The following ZNF500 variants were observed in gnomAD, a reference collection of about 807,000 sequenced individuals.
The protein encoded by ZNF500 is zinc finger protein with KRAB and SCAN domains 18.
A neutral mutation model predicts 30.1 loss-of-function variants in ZNF500; 31 were observed. The ratio of observed to expected loss-of-function variants is 1.03; its 90% CI spans 0.77 to 1.39. ZNF500 has a LOEUF of 1.39. Ranked by LOEUF, ZNF500 falls within the 40% of genes most tolerant of loss-of-function variation. The pLI, the probability that ZNF500 is intolerant of heterozygous loss-of-function variation, is 0.00. For missense variants in ZNF500, 817 were observed against 657.8 expected, an observed-to-expected ratio of 1.24 and a Z score of -2.65; for synonymous variants, 392 against 282.0, an observed-to-expected ratio of 1.39 and a Z score of -3.91.
intron 1 of ZNF500, among the ~76,000 whole-genome samples, chr16:4,766,517 A>G (rs2082266562): frequency 6.6e-6 from 1 of 152,156 alleles, no homozygotes; most frequent in African/African-American, 2.4e-5. Context: ...GCAACTCGGG[A>G]GGCTGAGACA....
rs143098903 is a variant in ZNF500, at chr16:4,753,451, G to C, written c.761-393C>G. On this transcript the variant is annotated intron_variant, in intron 5 of 5. Coordinates refer to ENST00000219478, the MANE Select transcript of ZNF500 (RefSeq NM_021646.4). The stretch of plus-strand genomic sequence containing the variant: ...CATTCCAGCCCGGGTGACGGCATGA[G>C]ACCCTGTTTCAAAAACTAAACAATC... Among the ~76,000 whole-genome samples the C allele has an allele frequency of 4.6e-5, 7 of 152,316 alleles. No homozygotes were observed. In the East Asian group the frequency reaches 1.3e-3, roughly 29 times the overall value.
downstream of ZNF500, chr16:4,746,669 G>A: frequency 1.9e-6 from 2 of 1,079,370 alleles, no homozygotes; most frequent in South Asian, 1.7e-5. Context: ...AGTCCCCCTG[G>A]GTCCCTGCAG....
rs1396002494 is a variant in ZNF500 at position 4,762,252 on chromosome 16, C to G, written c.663+19G>C. ...GGGCCAGACCCCAGGATGCTGCAGACCAGGAGCATCCCACTCACCTGGGAC... is the reference window on the plus strand; with the variant it reads ...GGGCCAGACCCCAGGATGCTGCAGAGCAGGAGCATCCCACTCACCTGGGAC... On this transcript the variant is annotated intron_variant, in intron 4 of 5. Coordinates refer to ENST00000219478, the MANE Select transcript of ZNF500 (RefSeq NM_021646.4). 6.2e-7 allele frequency: 1 copy of G among 1,609,436 alleles called. No homozygotes were observed. The highest frequency in any genetic ancestry group is 8.5e-7 in the Non-Finnish European group (1 of 1,177,948).
downstream of ZNF500, among the ~76,000 whole-genome samples, chr16:4,745,972 AAAAG>A (rs1316352628): frequency 7.2e-5 from 11 of 151,942 alleles, no homozygotes; most frequent in East Asian, 3.8e-4. Context: ...AAAAAAAAGA[AAAAG>A]AAAAAGAAAT....
rs140040457 is a variant in ZNF500 at position 4,757,701 on chromosome 16, C to A, written c.760+2791G>T. ...CACTGCAACCTCCGCCTCCCGGGTT[C>A]AAGCGATTCTCCTGCCTCAGCCTCC... On this transcript the variant is annotated intron_variant, in intron 5 of 5. Coordinates refer to ENST00000219478, the MANE Select transcript of ZNF500 (RefSeq NM_021646.4). Among the ~76,000 whole-genome samples, 1,237 of 152,038 alleles carry A rather than the reference C, an allele frequency of 8.1e-3. 15 individuals are homozygous for A. Among genetic ancestry groups the A allele is most frequent in the African/African-American group, 0.028 (1,171 of 41,434 alleles).
At position 4,751,758 on chromosome 16, in the gene ZNF500, A is replaced by C; in HGVS notation, c.*618T>G. 2.0e-6 allele frequency: 2 copies of C among 986,988 alleles called. No individual in the cohort carries two copies. The highest frequency in any genetic ancestry group is 3.1e-6 in the Non-Finnish European group (2 of 652,758). 61.1% of individuals were successfully genotyped at this position (986,988 alleles called of 1,614,324 possible). ...CAGTGAGTGGTGGCCCTACCAAAAAAGAGACTGGGCATGGCGGCACACACC... is the reference window on the plus strand; with the variant it reads ...CAGTGAGTGGTGGCCCTACCAAAAACGAGACTGGGCATGGCGGCACACACC... On this transcript the variant is annotated 3_prime_UTR_variant, in exon 6 of 6. Transcript: ENST00000219478.
intron 5 of ZNF500, among the ~76,000 whole-genome samples, chr16:4,754,299 C>G (rs1409092018): frequency 6.6e-6 from 1 of 152,134 alleles, no homozygotes; most frequent in African/African-American, 2.4e-5. Context: ...CTCCCATCTC[C>G]AGGACCAACT....
rs781566485 is a variant in ZNF500, at chr16:4,752,713, C to G, written c.1106G>C (p.Ser369Thr). The G allele has an allele frequency of 6.2e-7, 1 of 1,614,070 alleles. No individual in the cohort carries two copies. Among genetic ancestry groups the G allele is most frequent in the Admixed American group, 1.7e-5 (1 of 60,012 alleles). Residue 369 changes from serine to threonine, a missense_variant, in exon 6 of 6, where the codon AGC (serine) becomes ACC (threonine). Physicochemically the swap from Ser to Thr is moderately conservative, Grantham distance 58 (BLOSUM62 1). Coordinates refer to ENST00000219478, the MANE Select transcript of ZNF500 (RefSeq NM_021646.4). Reference sequence around the variant, plus strand: ...GCCTGTGTGCACCCTCTGGTGCGTGCTGAAGTTGGAGCGGTCGCTAAAGCC... The same window carrying G: ...GCCTGTGTGCACCCTCTGGTGCGTGGTGAAGTTGGAGCGGTCGCTAAAGCC... ...GKGFSDRSNFSTHQRVHTGEK... is the reference protein window; with the variant it reads ...GKGFSDRSNFTTHQRVHTGEK...
intron 5 of ZNF500, among the ~76,000 whole-genome samples, chr16:4,758,947 C>T (rs150268392): frequency 2.6e-5 from 4 of 152,166 alleles, no homozygotes; most frequent in Admixed American, 6.6e-5. Context: ...CGGTAGCTCA[C>T]GCCTGTAATC....
At chr16:4,760,657 C>T (rs906324042) in intron 4 of ZNF500, 69 bp from the exon 5 acceptor site, 2 of 1,418,214 alleles carry the variant, frequency 1.4e-6, no homozygotes, top group Non-Finnish European at 2.0e-6. Flanking sequence ...AGGCCACTGG[C>T]CCAGGGAGCT....
downstream of ZNF500, chr16:4,746,403 G>A (rs1567506741): frequency 1.2e-6 from 2 of 1,612,890 alleles, no homozygotes; most frequent in Non-Finnish European, 1.7e-6. Flanking sequence ...GGGCTCCCAG[G>A]CTGGGCCAGG....
chr16:4,744,727 T>G (rs1393146155), downstream of ZNF500: 3 of 1,033,560 alleles, frequency 2.9e-6, no homozygotes, highest in Non-Finnish European at 4.1e-6. Context: ...GAGGGCTGAG[T>G]AGGGAGAGGG....
At chr16:4,747,438 G>T (rs2082032560), downstream of ZNF500, 1 of 1,613,126 alleles carries the variant, frequency 6.2e-7, no homozygotes. Context: ...GGGCCCGCGG[G>T]TGGGAGGGCT....
chr16:4,758,648 C>G (rs142007307), intron 5 of ZNF500: 3 of 152,166 alleles, frequency 2.0e-5, no homozygotes, highest in Non-Finnish European at 4.4e-5. Context: ...TCAGTGACAA[C>G]CCCAGGGTCG....
chr16:4,766,144 G>A, intron 1 of ZNF500, 68 bp from the exon 2 acceptor site: 1 of 744,754 alleles, frequency 1.3e-6, no homozygotes, highest in Non-Finnish European at 2.0e-6. Flanking sequence ...GGCCTGGGAA[G>A]CCCCTGCCCT....
Position 4,765,745 on chromosome 16 carries a change from C to G in ZNF500, c.234G>C (p.Trp78Cys), listed in dbSNP as rs754171308. ...CCTTGGTGCGCAGCTCCGGCCGCAG[C>G]CAGCGGCAGCACAGCTCCCAGAGGC... ...LSRLWELCCRWLRPELRTKEQ... is the reference protein window; with the variant it reads ...LSRLWELCCRCLRPELRTKEQ... The change falls in exon 2 of 6, where the codon TGG (tryptophan) becomes TGC (cysteine). Residue 78 changes from tryptophan (W) to cysteine (C), a missense_variant. By Grantham distance (215) the Trp-to-Cys change is radical. Transcript: ENST00000219478. 1.9e-6 allele frequency: 3 copies of G among 1,613,128 alleles called. No individual in the cohort carries two copies. Among genetic ancestry groups the G allele is most frequent in the African/African-American group, 1.3e-5 (1 of 74,942 alleles).
downstream of ZNF500, among the ~76,000 whole-genome samples, chr16:4,748,084 T>A (rs2082040712): frequency 6.6e-6 from 1 of 152,182 alleles, no homozygotes; most frequent in Non-Finnish European, 1.5e-5. Flanking sequence ...GCTTCCTGCA[T>A]ACTTGCTATT....
Position 4,752,050 on chromosome 16 carries a change from TCCCA to T in ZNF500, c.*322_*325del. ...GATGCTGGAGGCAGCTGATGGACCC[TCCCA>T]GGCCCTTCAGGAGCCAGCCCCACGA... On this transcript the variant is annotated 3_prime_UTR_variant, in exon 6 of 6. Transcript: ENST00000219478. The T allele has an allele frequency of 7.7e-7, 1 of 1,290,438 alleles. No homozygotes were observed. The highest frequency in any genetic ancestry group is 9.8e-7 in the Non-Finnish European group (1 of 1,018,774). The allele number at this position is 1,290,438 out of a possible 1,614,324, so 79.9% of individuals were successfully genotyped here.
At position 4,749,803 on chromosome 16, in the gene ZNF500, CTG is replaced by C. The variant is rs1188117837; in HGVS notation, c.*2571_*2572del. On this transcript the variant is annotated 3_prime_UTR_variant, in exon 6 of 6. Transcript: ENST00000219478. ...CTCCAGCCTGGGTAATGAAGTGAGA[CTG>C]TGTCTCAAAACAAAACAAAAAAAGG... 6.6e-6 allele frequency: 1 copy of C among 152,324 alleles called. No individual in the cohort carries two copies. The highest frequency in any genetic ancestry group is 6.5e-5 in the Admixed American group (1 of 15,270). 9.4% of individuals were successfully genotyped at this position (152,324 alleles called of 1,614,324 possible).
Sources: allele counts gnomAD v4.1 joint callset (sites outside exome capture counted in the v4.1 genomes callset), GRCh38; gene constraint gnomAD v4.1.1; transcripts MANE v1.5; gene names NCBI Gene and HGNC (gene_info 2026-07-23, HGNC 2026-07-21).